The following ATXN3 variants were observed in gnomAD, a reference collection of about 807,000 sequenced individuals.
The protein encoded by ATXN3 is ataxin-3.
In ATXN3, 28 loss-of-function variants were observed where a neutral mutation model predicts 58.2. The ratio of observed to expected loss-of-function variants is 0.48; its 90% confidence interval spans 0.36 to 0.66. The LOEUF (loss-of-function observed/expected upper bound fraction) is 0.66, where lower values mean the gene tolerates loss of function less well. Among genes scored for constraint, ATXN3 ranks in the 30% least tolerant of loss-of-function variants. The probability of loss-of-function intolerance (pLI) is 0.00; values close to 1 mark genes in which losing one functional copy is unlikely to be tolerated. For missense variants in ATXN3, 321 were observed against 422.1 expected, an observed-to-expected ratio of 0.76 and a Z score of 2.10; for synonymous variants, 113 against 138.5, an observed-to-expected ratio of 0.82 and a Z score of 1.29.
At chr14:92,097,528 C>CTT (rs754237486) in intron 1 of ATXN3, among the ~76,000 whole-genome samples, 8 of 138,200 alleles carry the variant, frequency 5.8e-5, no homozygotes, top group African/African-American at 7.9e-5. Context: ...ACCTGGCCAA[C>CTT]TTTTTTTTTT....
At chr14:92,094,391 A>G (rs754993545) in intron 3 of ATXN3, among the ~76,000 whole-genome samples, 15 of 152,250 alleles carry the variant, frequency 9.9e-5, no homozygotes, top group Non-Finnish European at 2.2e-4. Context: ...TCAAAAATCC[A>G]GATGTATATT....
rs2058338255 is a variant in ATXN3, at chr14:92,066,051, C to T, written c.992-1637G>A. ...CAAGCAATCTGCTTGCCTCAGCCTC[C>T]CTAAGTGCTAGTATTACAGCACTTA... On this transcript the variant is annotated intron_variant, in intron 10 of 10. Coordinates refer to ENST00000644486, the MANE Select transcript of ATXN3 (RefSeq NM_004993.6). 4.0e-5 allele frequency among the ~76,000 whole-genome samples: 6 copies of T among 151,546 alleles called. No individual in the cohort carries two copies. The South Asian group carries it at 1.3e-3, about 32-fold the overall frequency.
At chr14:92,045,784 C>T (rs541758258) in intron 2 of ATXN3, among the ~76,000 whole-genome samples, 2 of 152,266 alleles carry the variant, frequency 1.3e-5, no homozygotes, top group Non-Finnish European at 2.9e-5. Flanking sequence ...GTCTAAGAAC[C>T]ATTTGCCTTG....
intron 1 of ATXN3, among the ~76,000 whole-genome samples, chr14:92,101,819 C>T (rs2066875182): frequency 6.6e-6 from 1 of 152,126 alleles, no homozygotes; most frequent in African/African-American, 2.4e-5. Context: ...GATTGCACCA[C>T]TGCACTCCAG....
intron 9 of ATXN3, among the ~76,000 whole-genome samples, chr14:92,075,449 G>A (rs1429712983): frequency 1.3e-5 from 2 of 152,162 alleles, no homozygotes; most frequent in African/African-American, 4.8e-5. Context: ...TTACAAGCGT[G>A]AGCCATAGCG....
In ATXN3 at chr14:92,060,838, T is replaced by A. The variant is rs1041624489; in HGVS notation, c.*3482A>T. The stretch of plus-strand genomic sequence containing the variant: ...TCCTCTGTCGCCAGGGTTCAAGCAA[T>A]TCTCCTGCCTCAGACTCCCAGGTAG... On this transcript the variant is annotated 3_prime_UTR_variant, in exon 11 of 11. Transcript: ENST00000644486. 6.6e-6 allele frequency: 1 copy of A among 151,386 alleles called. No homozygotes were observed. Among genetic ancestry groups the A allele is most frequent in the Non-Finnish European group, 1.5e-5 (1 of 68,024 alleles). 9.4% of individuals were successfully genotyped at this position (151,386 alleles called of 1,614,324 possible).
At position 92,093,653 on chromosome 14, in the gene ATXN3, G is replaced by A. The variant is rs895512315; in HGVS notation, c.320+93C>T. The A allele has an allele frequency of 3.0e-6, 3 of 1,013,150 alleles. No homozygotes were observed. The African/African-American group carries it at 4.9e-5, about 17-fold the overall frequency. The allele number at this position is 1,013,150 out of a possible 1,614,324, so 62.8% of individuals were successfully genotyped here. A position where few individuals can be genotyped will look rare whatever the true frequency, so the allele number is the denominator to read the frequency against. On this transcript the variant is annotated intron_variant, in intron 4 of 10. Coordinates refer to ENST00000644486, the MANE Select transcript of ATXN3 (RefSeq NM_004993.6). ...TGAAACAGGGAACATCAAAACAAAA[G>A]TATTCAAAATGTATTTCTCTTCTTT...
At chr14:92,084,922 T>C (rs937832942) in intron 6 of ATXN3, among the ~76,000 whole-genome samples, 48 of 152,188 alleles carry the variant, frequency 3.2e-4, no homozygotes, top group Non-Finnish European at 8.8e-5. Flanking sequence ...ATATCCTTTG[T>C]TGGATTAACA....
intron 5 of ATXN3, among the ~76,000 whole-genome samples, chr14:92,089,798 C>CT (rs1171568145): frequency 6.6e-6 from 1 of 152,188 alleles, no homozygotes; most frequent in African/African-American, 2.4e-5. Flanking sequence ...CCAATCATAT[C>CT]TATCACACTG....
At chr14:92,081,211 C>T (rs1057440468) in intron 8 of ATXN3, 150 bp from the exon 9 acceptor site, 6 of 551,250 alleles carry the variant, frequency 1.1e-5, no homozygotes, top group Non-Finnish European at 1.9e-5. Flanking sequence ...GTGGCTCACA[C>T]ATGTAATCCC....
intron 9 of ATXN3, chr14:92,079,604 G>T: frequency 5.1e-6 from 1 of 197,732 alleles, no homozygotes; most frequent in Non-Finnish European, 9.3e-6. Context: ...CAGAGACATT[G>T]AAATGTGAAA....
downstream of ATXN3, among the ~76,000 whole-genome samples, chr14:92,055,057 T>G (rs1232703240): frequency 6.6e-6 from 1 of 152,176 alleles, no homozygotes; most frequent in East Asian, 1.9e-4. The surrounding 1 kb of genome is among the most constrained non-coding windows in gnomAD (Gnocchi z 4.5). Context: ...AATTTTTGTA[T>G]TTTTAGTAGA....
intron 1 of ATXN3, 98 bp downstream of exon 1, chr14:92,106,431 C>A (rs2068426822): frequency 6.7e-7 from 1 of 1,502,154 alleles, no homozygotes; most frequent in Non-Finnish European, 9.2e-7. Flanking sequence ...GGCATGGGGG[C>A]GACTCGGGCC....
intron 5 of ATXN3, 37 bp downstream of exon 5, chr14:92,093,215 A>G (rs764191833): frequency 1.9e-5 from 26 of 1,395,264 alleles, no homozygotes; most frequent in African/African-American, 1.3e-4. Flanking sequence ...GGGGTACAAT[A>G]TAAGAAAAAA....
chr14:92,106,181 G>A (rs1390322726), intron 1 of ATXN3, among the ~76,000 whole-genome samples: 1 of 152,196 alleles, frequency 6.6e-6, no homozygotes, highest in African/African-American at 2.4e-5. Context: ...TAGGGAGAGG[G>A]AAGGATTGGG....
At chr14:92,086,986 T>C (rs1188540152) in intron 6 of ATXN3, among the ~76,000 whole-genome samples, 1 of 152,130 alleles carries the variant, frequency 6.6e-6, no homozygotes, top group Admixed American at 6.6e-5. Context: ...GGTGAAGATA[T>C]AAGCAAATTG....
intron 9 of ATXN3, among the ~76,000 whole-genome samples, chr14:92,079,913 T>A (rs910984830): frequency 6.6e-6 from 1 of 152,072 alleles, no homozygotes; most frequent in East Asian, 1.9e-4. Flanking sequence ...AATTTTTGTA[T>A]TTTTAGTAGA....
intron 5 of ATXN3, 88 bp from the exon 6 acceptor site, chr14:92,088,905 A>T (rs545350906): frequency 1.4e-6 from 1 of 727,560 alleles, no homozygotes; most frequent in Non-Finnish European, 2.4e-6. Context: ...AACCCATCAA[A>T]GCTTAGTAAG....
chr14:92,052,495 A>G (rs76676198), upstream of ATXN3, among the ~76,000 whole-genome samples: 3 of 136,010 alleles, frequency 2.2e-5, no homozygotes, highest in Non-Finnish European at 4.5e-5. Context: ...ATCTCAAAGA[A>G]AAAAAAAAAA....
Sources: allele counts gnomAD v4.1 joint callset (sites outside exome capture counted in the v4.1 genomes callset), GRCh38; gene constraint gnomAD v4.1.1; non-coding constraint Gnocchi (gnomAD v3.1); transcripts MANE v1.5; gene names NCBI Gene and HGNC (gene_info 2026-07-23, HGNC 2026-07-21).